Variants in GMDS observed in about 807,000 individuals in gnomAD.
GMDS encodes GDP-mannose 4,6-dehydratase, also known as GDP-mannose 4,6 dehydratase.
In GMDS, 20 loss-of-function variants were observed where a neutral mutation model predicts 49.9. That is an observed-to-expected ratio of 0.40 (90% CI 0.28 to 0.58). The LOEUF (loss-of-function observed/expected upper bound fraction) is 0.58. Ranked by LOEUF, GMDS falls within the 20% of genes least tolerant of loss-of-function variation. The pLI, the probability that GMDS is intolerant of heterozygous loss-of-function variation, is 0.42. For missense variants in GMDS, 362 were observed against 481.4 expected, an observed-to-expected ratio of 0.75 and a Z score of 2.32; for synonymous variants, 177 against 178.6, an observed-to-expected ratio of 0.99 and a Z score of 0.07.
chr6:2,235,797 C>G (rs1028427406), intron 1 of GMDS, among the ~76,000 whole-genome samples: 1 of 149,322 alleles, frequency 6.7e-6, no homozygotes, highest in Non-Finnish European at 1.5e-5. Context: ...GAGCAAGACC[C>G]TTTCTGGAAA....
chr6:1,922,227 G>T (rs1031447567), intron 7 of GMDS, among the ~76,000 whole-genome samples: 3 of 152,206 alleles, frequency 2.0e-5, no homozygotes, highest in African/African-American at 4.8e-5. Flanking sequence ...AAGATAGAGA[G>T]CTCTCAGCAG....
At chr6:1,720,330 G>T (rs1766336187) in intron 9 of GMDS, among the ~76,000 whole-genome samples, 1 of 151,912 alleles carries the variant, frequency 6.6e-6, no homozygotes, top group African/African-American at 2.4e-5. Context: ...AACAAACAGT[G>T]GAATATTTAA....
intron 9 of GMDS, among the ~76,000 whole-genome samples, chr6:1,706,734 T>A (rs1765751309): frequency 6.6e-6 from 1 of 152,184 alleles, no homozygotes; most frequent in Non-Finnish European, 1.5e-5. Flanking sequence ...GTTGTGATCA[T>A]ACTGTTTGCG....
chr6:1,978,741 C>A (rs554153818), intron 4 of GMDS, among the ~76,000 whole-genome samples: 1 of 152,216 alleles, frequency 6.6e-6, no homozygotes, highest in Non-Finnish European at 1.5e-5. Context: ...AGCTGCTCTA[C>A]CAAAAAGCAG....
chr6:2,109,453 A>G (rs777422714), intron 4 of GMDS, among the ~76,000 whole-genome samples: 2 of 152,252 alleles, frequency 1.3e-5, no homozygotes. Context: ...GTAGAATCAC[A>G]TCTTAAGGAA....
At chr6:1,885,976 T>C (rs1759588343) in intron 7 of GMDS, among the ~76,000 whole-genome samples, 1 of 152,070 alleles carries the variant, frequency 6.6e-6, no homozygotes, top group Non-Finnish European at 1.5e-5. Context: ...AAGGGCAGGG[T>C]AAAGTAAAGT....
chr6:1,687,011 T>G (rs1348506361), intron 9 of GMDS, among the ~76,000 whole-genome samples: 1 of 152,200 alleles, frequency 6.6e-6, no homozygotes, highest in African/African-American at 2.4e-5. Flanking sequence ...TAATATTTAC[T>G]TAAAGGAAGA....
In GMDS at chr6:1,864,163, C is replaced by T. The variant is rs2113790782; in HGVS notation, c.771+65940G>A. 2.0e-5 allele frequency among the ~76,000 whole-genome samples: 3 copies of T among 152,244 alleles called. 1 individual carries two copies. In the Middle Eastern group the frequency reaches 0.01, roughly 518 times the overall value. On this transcript the variant is annotated intron_variant, in intron 7 of 10. Coordinates refer to ENST00000380815, the MANE Select transcript of GMDS (RefSeq NM_001500.4). ...AAGAATTATTTCTCTAAACTTTTCTCATTATTTATTAGCATTACTACATAA... is the reference window on the plus strand; with the variant it reads ...AAGAATTATTTCTCTAAACTTTTCTTATTATTTATTAGCATTACTACATAA...
At chr6:1,799,812 T>G (rs1277965643) in intron 7 of GMDS, among the ~76,000 whole-genome samples, 1 of 152,220 alleles carries the variant, frequency 6.6e-6, no homozygotes, top group Non-Finnish European at 1.5e-5. Context: ...ACTTTGTTCC[T>G]AGATACACTA....
chr6:1,926,177 TCCAGTATACCAAAG>T (rs1439428275), intron 7 of GMDS, among the ~76,000 whole-genome samples: 2 of 152,156 alleles, frequency 1.3e-5, no homozygotes, highest in African/African-American at 2.4e-5. Flanking sequence ...ATCTGATTCT[TCCAGTATACCAAAG>T]CAAGAACCTC....
At chr6:2,136,919 AAAAAAG>A (rs1776035894) in intron 1 of GMDS, among the ~76,000 whole-genome samples, 1 of 151,882 alleles carries the variant, frequency 6.6e-6, no homozygotes, top group Non-Finnish European at 1.5e-5. Context: ...AAAAAAAAAA[AAAAAAG>A]AAAGAAAAAC....
intron 4 of GMDS, among the ~76,000 whole-genome samples, chr6:2,001,564 T>C (rs986229961): frequency 2.0e-5 from 3 of 152,182 alleles, no homozygotes; most frequent in Non-Finnish European, 4.4e-5. Context: ...AAAAACCATA[T>C]GAAATAGCAA....
At chr6:2,170,889 G>A (rs1451067503) in intron 1 of GMDS, among the ~76,000 whole-genome samples, 2 of 151,938 alleles carry the variant, frequency 1.3e-5, no homozygotes, top group Non-Finnish European at 2.9e-5. Flanking sequence ...CAGCTACTCG[G>A]GAGGCTGAGG....
At chr6:1,628,319 T>G (rs1046530860) in intron 9 of GMDS, among the ~76,000 whole-genome samples, 30 of 152,356 alleles carry the variant, frequency 2.0e-4, no homozygotes, top group Non-Finnish European at 1.9e-4. Context: ...CTCAGATCTC[T>G]CCCATCTAGA....
intron 7 of GMDS, among the ~76,000 whole-genome samples, chr6:1,873,901 C>G (rs1758900101): frequency 1.3e-5 from 2 of 152,232 alleles, no homozygotes; most frequent in Admixed American, 1.3e-4. Context: ...ATCAAATCCT[C>G]TTATACCACA....
intron 1 of GMDS, among the ~76,000 whole-genome samples, chr6:2,129,245 T>C (rs4140449): frequency 0.042 from 6,460 of 152,172 alleles, 272 homozygotes; most frequent in South Asian, 0.13. Flanking sequence ...AAAAAAAGAC[T>C]GATCTCACAT....
At chr6:1,634,578 A>C (rs1763086505) in intron 9 of GMDS, among the ~76,000 whole-genome samples, 1 of 152,230 alleles carries the variant, frequency 6.6e-6, no homozygotes, top group Non-Finnish European at 1.5e-5. Context: ...GTTTACAGTG[A>C]GAACCCGCTC....
Position 1,647,127 on chromosome 6 carries a change from C to G in GMDS, c.988-22587G>C, listed in dbSNP as rs896137874. 2.6e-5 allele frequency among the ~76,000 whole-genome samples: 4 copies of G among 152,214 alleles called. No homozygotes were observed. In the South Asian group the frequency reaches 8.3e-4, roughly 31 times the overall value. ...AGAGGGAGAAGAACTCCATCCCCTC[C>G]CAGAGGAACCAGTGTTCTGCAAGAA... On this transcript the variant is annotated intron_variant, in intron 9 of 10. Coordinates refer to ENST00000380815, the MANE Select transcript of GMDS (RefSeq NM_001500.4).
chr6:1,963,753 C>G (rs748845624), intron 4 of GMDS, among the ~76,000 whole-genome samples: 2 of 152,148 alleles, frequency 1.3e-5, no homozygotes, highest in Non-Finnish European at 2.9e-5. Context: ...GGTGTCAGGG[C>G]TCTGGGACCA....
Sources: allele counts gnomAD v4.1 joint callset (sites outside exome capture counted in the v4.1 genomes callset), GRCh38; gene constraint gnomAD v4.1.1; transcripts MANE v1.5; gene names NCBI Gene and HGNC (gene_info 2026-07-23, HGNC 2026-07-21).